The following TRPM3 variants were observed in gnomAD, a reference collection of about 807,000 sequenced individuals.
TRPM3 encodes long transient receptor potential channel 3.
Under a neutral mutation model 181.2 loss-of-function variants are expected in TRPM3, and 77 were observed. The observed-to-expected ratio is 0.42, with a 90% confidence interval of 0.35 to 0.51. The LOEUF is 0.51. TRPM3 is among the 20% of genes least tolerant of loss of function. The pLI, the probability that TRPM3 is intolerant of heterozygous loss-of-function variation, is 0.01. For missense variants in TRPM3, 1,759 were observed against 2,196.7 expected (o/e 0.80, Z 3.98); for synonymous variants, 745 against 796.4 (o/e 0.94, Z 1.09).
At chr9:70,671,645 G>C (rs942210367) in intron 9 of TRPM3, among the ~76,000 whole-genome samples, 1 of 152,180 alleles carries the variant, frequency 6.6e-6, no homozygotes, top group Non-Finnish European at 1.5e-5. Context: ...ACCCTGATTA[G>C]TATTCACTTG....
intron 1 of TRPM3, among the ~76,000 whole-genome samples, chr9:71,078,336 T>C (rs1250655050): frequency 1.3e-5 from 2 of 152,198 alleles, no homozygotes; most frequent in African/African-American, 4.8e-5. Context: ...TGCAGAACAA[T>C]ATGTAAAGTA....
At chr9:71,098,717 G>C (rs955732267) in intron 1 of TRPM3, among the ~76,000 whole-genome samples, 12 of 152,098 alleles carry the variant, frequency 7.9e-5, no homozygotes, top group African/African-American at 2.9e-4. Context: ...GTAAATGTAT[G>C]GATATAATTG....
chr9:70,972,287 T>C (rs992140832), intron 1 of TRPM3, among the ~76,000 whole-genome samples: 3 of 152,190 alleles, frequency 2.0e-5, no homozygotes, highest in Non-Finnish European at 4.4e-5. Flanking sequence ...TTGAAAACAT[T>C]ATGCTAAGTG....
Position 70,536,965 on chromosome 9 carries a change from T to A in TRPM3, c.4148A>T (p.His1383Leu). ...SLSLHRATSSHSVAKEPKAPA... is the reference protein window; with the variant it reads ...SLSLHRATSSLSVAKEPKAPA... ...AGCTTTGGGTTCTTTTGCTACAGAG[T>A]GGGAACTAGTAGCCCGGTGTAGGCT... The change falls in exon 26 of 26, where the codon CAC becomes CTC. Residue 1383 changes from histidine to leucine, a missense_variant. Transcript: ENST00000677713. The A allele has an allele frequency of 1.2e-6, 2 of 1,613,870 alleles. No individual in the cohort carries two copies. The highest frequency in any genetic ancestry group is 8.5e-7 in the Non-Finnish European group (1 of 1,179,796).
chr9:71,092,237 C>T (rs946836917), intron 1 of TRPM3, among the ~76,000 whole-genome samples: 2 of 152,088 alleles, frequency 1.3e-5, no homozygotes, highest in Admixed American at 6.6e-5. Context: ...AATGGGAGCA[C>T]CCCTAATCCC....
At chr9:70,843,558 C>G (rs1297392087) in intron 4 of TRPM3, among the ~76,000 whole-genome samples, 1 of 152,174 alleles carries the variant, frequency 6.6e-6, no homozygotes, top group East Asian at 1.9e-4. Flanking sequence ...GAGTTAAATT[C>G]ATTCAAAGAC....
intron 1 of TRPM3, among the ~76,000 whole-genome samples, chr9:71,259,751 TG>T (rs1246112989): frequency 2.0e-5 from 3 of 152,164 alleles, no homozygotes; most frequent in South Asian, 4.1e-4. Context: ...GTTTGTTTTT[TG>T]TAAGTTTGTT....
chr9:71,334,230 C>T (rs4744629), intron 1 of TRPM3, among the ~76,000 whole-genome samples: 147,064 of 151,644 alleles, frequency 0.97, 71,523 homozygotes, highest in East Asian at 1. Flanking sequence ...AGACCTTGAA[C>T]CACTCAAAGC....
At chr9:71,013,065 C>T (rs931172321) in intron 1 of TRPM3, among the ~76,000 whole-genome samples, 3 of 152,052 alleles carry the variant, frequency 2.0e-5, no homozygotes, top group Admixed American at 2.0e-4. Flanking sequence ...ACAGATGCTA[C>T]ACATATACAC....
chr9:71,251,322 CT>C (rs1160472158), intron 1 of TRPM3, among the ~76,000 whole-genome samples: 1 of 152,152 alleles, frequency 6.6e-6, no homozygotes, highest in Non-Finnish European at 1.5e-5. Context: ...GTGAACTCCC[CT>C]ATCATAGCAT....
At chr9:70,823,712 G>A (rs992847112) in intron 6 of TRPM3, among the ~76,000 whole-genome samples, 1 of 152,178 alleles carries the variant, frequency 6.6e-6, no homozygotes, top group Non-Finnish European at 1.5e-5. Context: ...TAAGCTCAAT[G>A]AATTGTTAAT....
intron 1 of TRPM3, among the ~76,000 whole-genome samples, chr9:70,954,577 A>G (rs1384202742): frequency 3.9e-5 from 6 of 152,056 alleles, no homozygotes; most frequent in Non-Finnish European, 8.8e-5. Context: ...CGATAGTGCA[A>G]CCCCTAATCA....
chr9:71,287,020 GTATATAA>G (rs1272015911), intron 1 of TRPM3, among the ~76,000 whole-genome samples: 2 of 112,010 alleles, frequency 1.8e-5, no homozygotes, highest in East Asian at 4.2e-4. Flanking sequence ...ATATAATATA[GTATATAA>G]TATATAACAT....
At chr9:70,621,007 A>ATT (rs2063530427) in intron 15 of TRPM3, among the ~76,000 whole-genome samples, 1 of 147,358 alleles carries the variant, frequency 6.8e-6, no homozygotes, top group Non-Finnish European at 1.5e-5. Flanking sequence ...CTTATGACAC[A>ATT]TTATATATAT....
intron 6 of TRPM3, among the ~76,000 whole-genome samples, chr9:70,814,441 T>C (rs1446021104): frequency 6.6e-6 from 1 of 152,194 alleles, no homozygotes; most frequent in Non-Finnish European, 1.5e-5. Flanking sequence ...TATAATAGTA[T>C]ATCTGGCTAC....
At chr9:70,748,969 C>A (rs1271468544) in intron 8 of TRPM3, among the ~76,000 whole-genome samples, 1 of 152,128 alleles carries the variant, frequency 6.6e-6, no homozygotes, top group Non-Finnish European at 1.5e-5. Flanking sequence ...ACTGCAGCCC[C>A]AAACTCCCAG....
At chr9:70,604,720 C>T (rs746139707) in intron 19 of TRPM3, among the ~76,000 whole-genome samples, 1 of 149,100 alleles carries the variant, frequency 6.7e-6, no homozygotes, top group Non-Finnish European at 1.5e-5. Flanking sequence ...GATCTCGGCT[C>T]ATTGTAGCAT....
chr9:70,880,113 T>C (rs1278185514), intron 1 of TRPM3, among the ~76,000 whole-genome samples: 1 of 152,166 alleles, frequency 6.6e-6, no homozygotes, highest in East Asian at 1.9e-4. Context: ...CTATCATTCT[T>C]GAATGTCTGT....
chr9:71,029,304 T>C (rs916850811), intron 1 of TRPM3, among the ~76,000 whole-genome samples: 7 of 152,044 alleles, frequency 4.6e-5, no homozygotes, highest in African/African-American at 1.7e-4. Flanking sequence ...TCTTAACCTG[T>C]AATAAGACCA....
Sources: allele counts gnomAD v4.1 joint callset (sites outside exome capture counted in the v4.1 genomes callset), GRCh38; gene constraint gnomAD v4.1.1; transcripts MANE v1.5; gene names NCBI Gene and HGNC (gene_info 2026-07-23, HGNC 2026-07-21).